The following STARD3NL variants were observed in gnomAD, a reference collection of about 807,000 sequenced individuals.
STARD3NL encodes the protein STARD3 N-terminal-like protein.
STARD3NL carries 17 observed loss-of-function variants against 30.9 expected under a neutral mutation model. That is an observed-to-expected ratio of 0.55 (90% CI 0.38 to 0.82). The LOEUF (loss-of-function observed/expected upper bound fraction) is 0.82. STARD3NL is among the 40% of genes least tolerant of loss of function. STARD3NL has a pLI of 0.00. For synonymous variants in STARD3NL, 112 were observed against 100.5 expected (o/e 1.11, Z -0.69); for missense variants, 234 against 277.6 (o/e 0.84, Z 1.12).
intron 1 of STARD3NL, 140 bp from the exon 2 acceptor site, chr7:38,207,303 TTCTC>T (rs1785538879): frequency 1.8e-6 from 1 of 569,144 alleles, no homozygotes; most frequent in East Asian, 2.9e-5. Context: ...TCATTTCTCT[TTCTC>T]TTTATGTCTT....
intron 6 of STARD3NL, among the ~76,000 whole-genome samples, chr7:38,218,344 T>G (rs1786244619): frequency 6.6e-6 from 1 of 152,180 alleles, no homozygotes; most frequent in South Asian, 2.1e-4. Context: ...AAGAAATATA[T>G]AAGAAAAGGA....
At chr7:38,220,289 T>A (rs1409162021) in intron 7 of STARD3NL, among the ~76,000 whole-genome samples, 2 of 152,120 alleles carry the variant, frequency 1.3e-5, no homozygotes, top group African/African-American at 2.4e-5. Context: ...GCAACAAAAA[T>A]AAACAACCTG....
intron 1 of STARD3NL, among the ~76,000 whole-genome samples, chr7:38,193,791 A>G (rs10282407): frequency 0.43 from 64,953 of 151,918 alleles, 14,217 homozygotes; most frequent in East Asian, 0.5. Context: ...TTAATATATG[A>G]TATACAATGT....
In STARD3NL at chr7:38,225,658, A is replaced by C. The variant is rs959907826; in HGVS notation, c.650-3141A>C. On this transcript the variant is annotated intron_variant, in intron 7 of 8. Coordinates refer to ENST00000009041, the MANE Select transcript of STARD3NL (RefSeq NM_032016.4). ...TTTACTATAAACTGATTTTGTGCCA[A>C]ACCAATTTTTATTTTTTTAATTCTG... 6.1e-5 allele frequency among the ~76,000 whole-genome samples: 9 copies of C among 148,534 alleles called. No homozygotes were observed. The Admixed American group carries it at 6.1e-4, about 10-fold the overall frequency.
At chr7:38,218,481 T>A (rs1461356522) in intron 6 of STARD3NL, among the ~76,000 whole-genome samples, 2 of 152,256 alleles carry the variant, frequency 1.3e-5, no homozygotes, top group African/African-American at 4.8e-5. Context: ...AAGTCTTTTT[T>A]AATTGTATAT....
chr7:38,178,909 C>A (rs1046486600), intron 1 of STARD3NL, among the ~76,000 whole-genome samples: 1 of 152,138 alleles, frequency 6.6e-6, no homozygotes, highest in African/African-American at 2.4e-5. Context: ...AATGTTCTCC[C>A]TGTGGTTTCA....
chr7:38,197,138 T>TTCTTTC (rs1396613648), intron 1 of STARD3NL, among the ~76,000 whole-genome samples: 1 of 106,604 alleles, frequency 9.4e-6, no homozygotes, highest in Non-Finnish European at 1.9e-5. Context: ...ATTACCTTTT[T>TTCTTTC]TCTTTCTTTC....
chr7:38,214,563 T>G (rs1032386670), intron 3 of STARD3NL, 129 bp downstream of exon 3: 2 of 552,254 alleles, frequency 3.6e-6, no homozygotes, highest in Non-Finnish European at 6.3e-6. Flanking sequence ...TCCTTTTCTT[T>G]TAATTCCCCA....
intron 1 of STARD3NL, among the ~76,000 whole-genome samples, chr7:38,197,727 C>G (rs1483836708): frequency 6.6e-6 from 1 of 152,170 alleles, no homozygotes; most frequent in Non-Finnish European, 1.5e-5. Context: ...CGCTGTCTTG[C>G]TGTGTTTTAG....
intron 7 of STARD3NL, among the ~76,000 whole-genome samples, chr7:38,225,900 G>T (rs1401060249): frequency 6.6e-6 from 1 of 152,090 alleles, no homozygotes; most frequent in Non-Finnish European, 1.5e-5. Flanking sequence ...CCTAATCTGT[G>T]TTTATTCTCC....
chr7:38,182,660 C>T (rs943744042), intron 1 of STARD3NL, among the ~76,000 whole-genome samples: 7 of 152,132 alleles, frequency 4.6e-5, no homozygotes, highest in African/African-American at 9.7e-5. Flanking sequence ...GACCTGGATC[C>T]GGAAGATACC....
chr7:38,179,163 C>G (rs1205727662), intron 1 of STARD3NL: 2 of 152,214 alleles, frequency 1.3e-5, no homozygotes, highest in Non-Finnish European at 2.9e-5. Context: ...AGTAACGGGT[C>G]TAATTAAATC....
chr7:38,229,351 C>T (rs1312186213), intron 8 of STARD3NL, among the ~76,000 whole-genome samples: 2 of 152,240 alleles, frequency 1.3e-5, no homozygotes, highest in African/African-American at 4.8e-5. Flanking sequence ...TCCACTGCAG[C>T]CCCTCACTGG....
In STARD3NL at chr7:38,207,551, A is replaced by G. The variant is rs376203945; in HGVS notation, c.47A>G (p.Gln16Arg). 8 of 1,613,894 alleles carry G rather than the reference A, an allele frequency of 5.0e-6. No homozygotes were observed. Among genetic ancestry groups the G allele is most frequent in the Non-Finnish European group, 3.4e-6 (4 of 1,179,912 alleles). Residue 16 changes from glutamine to arginine, a missense_variant, in exon 2 of 9, where the codon CAG (glutamine) becomes CGG (arginine). Gln to Arg is a conservative substitution (Grantham distance 43). Transcript: ENST00000009041. ...EDMENALTGS[Q>R]SSHASLRNIH... ...ATGGAGAACGCTCTCACCGGGAGCC[A>G]GAGCTCCCATGCTTCTCTGCGCAAT...
intron 1 of STARD3NL, among the ~76,000 whole-genome samples, chr7:38,202,898 T>A (rs1036705217): frequency 1.1e-4 from 16 of 151,162 alleles, no homozygotes; most frequent in Admixed American, 4.0e-4. Context: ...ACAAAGGACA[T>A]GAACTCATCA....
intron 7 of STARD3NL, 92 bp from the exon 8 acceptor site, chr7:38,228,707 A>G (rs1786927122): frequency 9.7e-7 from 1 of 1,030,246 alleles, no homozygotes; most frequent in Non-Finnish European, 1.4e-6. Context: ...TTTTATGTGT[A>G]TATGTTATAA....
At chr7:38,211,409 C>T (rs1249945072) in intron 2 of STARD3NL, among the ~76,000 whole-genome samples, 2 of 151,914 alleles carry the variant, frequency 1.3e-5, no homozygotes, top group African/African-American at 2.4e-5. Context: ...GAGATCACGG[C>T]GCATGGAAGT....
chr7:38,209,724 T>A (rs1785690504), intron 2 of STARD3NL, among the ~76,000 whole-genome samples: 1 of 152,188 alleles, frequency 6.6e-6, no homozygotes, highest in Non-Finnish European at 1.5e-5. Context: ...AGGAAAGTCA[T>A]GGGGTAGAAC....
At chr7:38,184,200 A>G (rs923177464) in intron 1 of STARD3NL, among the ~76,000 whole-genome samples, 5 of 152,160 alleles carry the variant, frequency 3.3e-5, no homozygotes, top group African/African-American at 1.2e-4. Flanking sequence ...AGCTACCTTG[A>G]ACAATTAATA....
Sources: gnomAD v4.1 joint callset for allele counts (sites outside exome capture counted in the v4.1 genomes callset) on GRCh38, gnomAD v4.1.1 for gene constraint, MANE v1.5 for transcripts, NCBI Gene and HGNC (gene_info 2026-07-23, HGNC 2026-07-21) for gene names.